Variants in ZMAT4 observed in about 807,000 individuals in gnomAD.
The protein encoded by ZMAT4 is zinc finger matrin-type 4, also known as zinc finger matrin-type protein 4.
In ZMAT4, 17 loss-of-function variants were observed where a neutral mutation model predicts 28.7. The ratio of observed to expected loss-of-function variants is 0.59; its 90% CI spans 0.41 to 0.89. ZMAT4 has a LOEUF of 0.89. ZMAT4 is among the 40% of genes least tolerant of loss of function. ZMAT4 has a pLI of 0.00. For missense variants in ZMAT4, 240 were observed against 283.8 expected, an observed-to-expected ratio of 0.85 and a Z score of 1.11; for synonymous variants, 117 against 109.2, an observed-to-expected ratio of 1.07 and a Z score of -0.44.
chr8:40,788,442 G>A (rs760438631), intron 2 of ZMAT4, among the ~76,000 whole-genome samples: 32 of 152,138 alleles, frequency 2.1e-4, no homozygotes, highest in African/African-American at 4.3e-4. Flanking sequence ...AAAATTAGCC[G>A]GGCGTGGTGG....
chr8:40,820,652 T>A lies in ZMAT4; in HGVS notation c.102+4923A>T, dbSNP rs553549122. Among the ~76,000 whole-genome samples, 206 of 107,956 alleles carry A rather than the reference T, an allele frequency of 1.9e-3. 1 individual carries two copies. Among genetic ancestry groups the A allele is most frequent in the African/African-American group, 6.7e-3 (188 of 28,042 alleles). 70.8% of individuals were successfully genotyped at this position (107,956 alleles called of 152,430 possible). On this transcript the variant is annotated intron_variant, in intron 2 of 6. Transcript: ENST00000297737. ...TGTGTGTGGGAGTGTCTCGGGCATG[T>A]GTGTGTTTACGTGTATGTGTGTCTA...
chr8:40,629,408 A>G (rs1391700777), intron 5 of ZMAT4, among the ~76,000 whole-genome samples: 1 of 147,700 alleles, frequency 6.8e-6, no homozygotes, highest in Non-Finnish European at 1.5e-5. Context: ...TTTTTTTTTA[A>G]TTTTATTATT....
rs763392146 is a variant in ZMAT4, at chr8:40,783,943, G to A, written c.103-16213C>T. ...GGAGAATTGCTTGAACCCGTAAGGC[G>A]GAGGTTGCAGTGAGCAGAGAAGGCA... On this transcript the variant is annotated intron_variant, in intron 2 of 6. Transcript: ENST00000297737. Among the ~76,000 whole-genome samples the A allele has an allele frequency of 1.2e-4, 18 of 152,234 alleles. 1 individual carries two copies. Among genetic ancestry groups the A allele is most frequent in the African/African-American group, 2.2e-4 (9 of 41,526 alleles).
chr8:40,766,932 G>A (rs939786226), intron 3 of ZMAT4, among the ~76,000 whole-genome samples: 4 of 152,348 alleles, frequency 2.6e-5, no homozygotes, highest in Admixed American at 1.3e-4. Context: ...CTCAAAGGGC[G>A]AGGAATTTCT....
intron 3 of ZMAT4, among the ~76,000 whole-genome samples, chr8:40,762,927 G>T (rs1027684982): frequency 1.3e-5 from 2 of 152,132 alleles, no homozygotes; most frequent in Non-Finnish European, 2.9e-5. Context: ...TCATACTCAA[G>T]AAATGCCTCT....
chr8:40,565,205 G>A (rs1585691036), intron 6 of ZMAT4, among the ~76,000 whole-genome samples: 1 of 152,022 alleles, frequency 6.6e-6, no homozygotes, highest in African/African-American at 2.4e-5. Context: ...ATTCTATCAG[G>A]TGTTACAAAA....
intron 1 of ZMAT4, among the ~76,000 whole-genome samples, chr8:40,881,974 C>G (rs755073289): frequency 4.6e-5 from 7 of 152,116 alleles, no homozygotes; most frequent in Admixed American, 1.3e-4. Flanking sequence ...GAAAGCCTGC[C>G]CAGGGCCTAA....
intron 5 of ZMAT4, among the ~76,000 whole-genome samples, chr8:40,603,552 C>T (rs1805472426): frequency 6.6e-6 from 1 of 152,142 alleles, no homozygotes; most frequent in Non-Finnish European, 1.5e-5. Context: ...TCTACCTATT[C>T]GTGAGCATGG....
intron 5 of ZMAT4, among the ~76,000 whole-genome samples, chr8:40,644,596 G>T (rs1184883797): frequency 1.3e-5 from 2 of 152,142 alleles, no homozygotes. Flanking sequence ...AAAGAGGATA[G>T]ATAAACCTCA....
intron 5 of ZMAT4, among the ~76,000 whole-genome samples, chr8:40,658,619 TACACACAC>T (rs3038825): frequency 0.014 from 2,061 of 145,538 alleles, 23 homozygotes; most frequent in African/African-American, 0.033. Context: ...GTTAGACACA[TACACACAC>T]ACACACACAC....
At chr8:40,662,849 C>A (rs1808259487) in intron 5 of ZMAT4, among the ~76,000 whole-genome samples, 1 of 152,196 alleles carries the variant, frequency 6.6e-6, no homozygotes, top group African/African-American at 2.4e-5. Flanking sequence ...ATTTTGCTAA[C>A]TGGGAGAGCA....
intron 1 of ZMAT4, among the ~76,000 whole-genome samples, chr8:40,842,218 C>G (rs1783900589): frequency 6.6e-6 from 1 of 152,206 alleles, no homozygotes; most frequent in Admixed American, 6.5e-5. Context: ...CCTCTGCCCA[C>G]CAAGTGCACC....
intron 2 of ZMAT4, among the ~76,000 whole-genome samples, chr8:40,791,035 G>C (rs1450498312): frequency 6.6e-6 from 1 of 152,202 alleles, no homozygotes; most frequent in Non-Finnish European, 1.5e-5. Context: ...AATGGAGAAA[G>C]GCGGCTCTTT....
rs555021681 is a variant in ZMAT4 at position 40,794,049 on chromosome 8, C to A, written c.103-26319G>T. Among the ~76,000 whole-genome samples the A allele has an allele frequency of 4.6e-5, 7 of 152,284 alleles. No individual in the cohort carries two copies. The East Asian group carries it at 1.3e-3, about 29-fold the overall frequency. On this transcript the variant is annotated intron_variant, in intron 2 of 6. Transcript: ENST00000297737. The stretch of plus-strand genomic sequence containing the variant: ...AAGAGAATTTCCCTTGCAATTAGTT[C>A]TTTGCCAGCTGCCTTAGGAGACATC...
At chr8:40,633,327 G>A (rs919875504) in intron 5 of ZMAT4, among the ~76,000 whole-genome samples, 11 of 152,114 alleles carry the variant, frequency 7.2e-5, no homozygotes, top group African/African-American at 2.2e-4. Context: ...GTTCTCCCAG[G>A]GCAGAAACAC....
chr8:40,818,982 A>C (rs1434172445), intron 2 of ZMAT4, among the ~76,000 whole-genome samples: 1 of 152,196 alleles, frequency 6.6e-6, no homozygotes, highest in Non-Finnish European at 1.5e-5. Flanking sequence ...TCACCTTTTT[A>C]TCACTACCCA....
chr8:40,572,164 T>C lies in ZMAT4; in HGVS notation c.674+9001A>G, dbSNP rs1804119969. 2.6e-5 allele frequency among the ~76,000 whole-genome samples: 4 copies of C among 152,312 alleles called. No individual in the cohort carries two copies. The South Asian group carries it at 8.3e-4, about 32-fold the overall frequency. ...TATTTATTACTGTGCGACCCTCAGC[T>C]AACTAACTAGTATGCTGAATGTGGG... is the stretch of plus-strand genomic sequence containing the variant. On this transcript the variant is annotated intron_variant, in intron 6 of 6. Coordinates refer to ENST00000297737, the MANE Select transcript of ZMAT4 (RefSeq NM_024645.3).
chr8:40,647,775 C>T (rs1807407305), intron 5 of ZMAT4, among the ~76,000 whole-genome samples: 2 of 152,134 alleles, frequency 1.3e-5, no homozygotes, highest in South Asian at 2.1e-4. Flanking sequence ...ACCCCTGACC[C>T]CCGAGCAGCC....
At chr8:40,835,142 A>G (rs1816430417) in intron 1 of ZMAT4, among the ~76,000 whole-genome samples, 1 of 152,214 alleles carries the variant, frequency 6.6e-6, no homozygotes, top group Non-Finnish European at 1.5e-5. Context: ...AGTGAGTGAC[A>G]GGTGGAGAGC....
Sources: allele counts gnomAD v4.1 joint callset (sites outside exome capture counted in the v4.1 genomes callset), GRCh38; gene constraint gnomAD v4.1.1; transcripts MANE v1.5; gene names NCBI Gene and HGNC (gene_info 2026-07-23, HGNC 2026-07-21).